The following NOTCH3 variants were observed in gnomAD, a reference collection of about 807,000 sequenced individuals.
NOTCH3 encodes the protein neurogenic locus notch homolog protein 3.
In NOTCH3, 86 loss-of-function variants were observed where a neutral mutation model predicts 213.3. The ratio of observed to expected loss-of-function variants is 0.40; its 90% CI spans 0.34 to 0.48. The LOEUF is 0.48. NOTCH3 is among the 20% of genes least tolerant of loss of function. The pLI is 0.57. For missense variants in NOTCH3, 2,783 were observed against 3,272.6 expected (o/e 0.85, Z 3.65); for synonymous variants, 1,354 against 1,355.9 (o/e 1.00, Z 0.03).
chr19:15,197,514 C>T lies in NOTCH3; in HGVS notation c.183G>A (p.Arg61=), dbSNP rs2145451074. 1 of 1,611,062 alleles carries T rather than the reference C, an allele frequency of 6.2e-7. No individual in the cohort carries two copies. The part of the protein sequence containing the change: ...NGGRCTQLPS[R]EAACLCPPGW... ...CAGGCACTCACAGGCAGGCAGCCTCCCGGGAGGGCAGCTGGGTGCAACGAC... is the reference window on the plus strand; with the variant it reads ...CAGGCACTCACAGGCAGGCAGCCTCTCGGGAGGGCAGCTGGGTGCAACGAC... The change falls in exon 2 of 33, where the codon CGG becomes CGA. Residue 61 remains arginine, a synonymous_variant. Coordinates refer to ENST00000263388, the MANE Select transcript of NOTCH3 (RefSeq NM_000435.3).
At position 15,185,747 on chromosome 19, in the gene NOTCH3, G is replaced by A. The variant is rs1271481232; in HGVS notation, c.1952-68C>T. 1 of 1,512,094 alleles carries A rather than the reference G, an allele frequency of 6.6e-7. No homozygotes were observed. The highest frequency in any genetic ancestry group is 1.1e-5 in the South Asian group (1 of 88,778). 93.7% of individuals were successfully genotyped at this position (1,512,094 alleles called of 1,614,324 possible). Reference sequence around the variant, plus strand: ...AGGGACAACCAGGGAGGGACGACGTGACCCCACTTAGCACACCCACACCCC... The same window carrying A: ...AGGGACAACCAGGGAGGGACGACGTAACCCCACTTAGCACACCCACACCCC... On this transcript the variant is annotated intron_variant, in intron 12 of 32. Coordinates refer to ENST00000263388, the MANE Select transcript of NOTCH3 (RefSeq NM_000435.3). The surrounding 1 kb of genome is among the most constrained non-coding windows in gnomAD (Gnocchi z 4.2).
chr19:15,177,801 G>A lies in NOTCH3; in HGVS notation c.4127C>T (p.Ala1376Val), dbSNP rs1373967857. ...CTCCTCCGAGACCTCGGGTGCCGCG[G>A]CGGGCGCCTCGCAGCGCGGCCCGGT... Reference protein sequence around the residue: ...GWTGPRCEAPAAAPEVSEEPR... With the variant: ...GWTGPRCEAPVAAPEVSEEPR... The change falls in exon 24 of 33, where the codon GCC (alanine) becomes GTC (valine). Residue 1376 changes from alanine (A) to valine (V), a missense_variant. This residue lies in a region of NOTCH3 where 133 missense variants were observed against 201.9 expected (regional missense o/e 0.66). Transcript: ENST00000263388. The A allele has an allele frequency of 7.9e-7, 1 of 1,267,976 alleles. No individual in the cohort carries two copies. Among genetic ancestry groups the A allele is most frequent in the Non-Finnish European group, 9.9e-7 (1 of 1,013,340 alleles). The allele number at this position is 1,267,976 out of a possible 1,614,324, so 78.5% of individuals were successfully genotyped here.
chr19:15,187,091 GC>G lies in NOTCH3; in HGVS notation c.1840+13del. On this transcript the variant is annotated intron_variant, in intron 11 of 32. Transcript: ENST00000263388. ...CTCCAGGTGTGCTGTTTCTGCCCCA[GC>G]CCCCGGTCCCACCTGTGGTCCCAGA... 1 of 1,611,668 alleles carries G rather than the reference GC, an allele frequency of 6.2e-7. No individual in the cohort carries two copies.
intron 31 of NOTCH3, among the ~76,000 whole-genome samples, chr19:15,163,795 C>T (rs1446921214): frequency 2.6e-5 from 4 of 152,104 alleles, no homozygotes; most frequent in Admixed American, 6.5e-5. Flanking sequence ...CATGCCACTG[C>T]ACTCCAGCCT....
At chr19:15,181,881 G>A (rs962018096) in intron 16 of NOTCH3, 80 bp from the exon 17 acceptor site, 2 of 1,245,876 alleles carry the variant, frequency 1.6e-6, no homozygotes, top group African/African-American at 3.0e-5. Flanking sequence ...CTTGGATTGA[G>A]AAGAATTCAG....
rs887358691 is a variant in NOTCH3 at position 15,191,580 on chromosome 19, T to C, written c.880A>G (p.Thr294Ala). ...CACACGCAGCTGTGGCCACCCAGCG[T>C]GTTGAAGCAGGTACCCCCATTGTGG... Reference protein sequence around the residue: ...ACHNGGTCFNTLGGHSCVCVN... With the variant: ...ACHNGGTCFNALGGHSCVCVN... The change falls in exon 6 of 33, where the codon ACG becomes GCG. Residue 294 changes from threonine (T) to alanine (A), a missense_variant. Around this residue, in one of 6 missense-constraint regions of NOTCH3, gnomAD observed 708 missense variants for 906.6 expected, o/e 0.78. Transcript: ENST00000263388. 6 of 1,613,584 alleles carry C rather than the reference T, an allele frequency of 3.7e-6. No homozygotes were observed. The highest frequency in any genetic ancestry group is 1.7e-5 in the Admixed American group (1 of 59,996).
rs1349602672 is a variant in NOTCH3 at position 15,191,819 on chromosome 19, T to C, written c.728A>G (p.His243Arg). ...CEVNVDDCPG[H>R]RCLNGGTCVD... ...GCATGTCCCCCCATTGAGACATCGG[T>C]GTCCTGGACAGTCGTCCACGTTCAC... The change falls in exon 5 of 33, where the codon CAC (histidine) becomes CGC (arginine). Residue 243 changes from histidine to arginine, a missense_variant. Transcript: ENST00000263388. 1 of 1,613,958 alleles carries C rather than the reference T, an allele frequency of 6.2e-7. No homozygotes were observed. Among genetic ancestry groups the C allele is most frequent in the Non-Finnish European group, 8.5e-7 (1 of 1,180,034 alleles).
In NOTCH3 at chr19:15,177,746, G is replaced by C. The variant is rs1445320078; in HGVS notation, c.4182C>G (p.Ala1394=). The stretch of plus-strand genomic sequence containing the variant: ...GGTCGCAGCGCTGGTCCCCGCGCTT[G>C]GCCTGGCAGGCGGCGCGCGGGCACC... ...EPRCPRAACQ[A]KRGDQRCDRE... Residue 1394 remains alanine, a synonymous_variant, in exon 24 of 33, where the codon GCC becomes GCG. Coordinates refer to ENST00000263388, the MANE Select transcript of NOTCH3 (RefSeq NM_000435.3). 4 of 1,428,800 alleles carry C rather than the reference G, an allele frequency of 2.8e-6. No individual in the cohort carries two copies. Among genetic ancestry groups the C allele is most frequent in the African/African-American group, 3.0e-5 (2 of 66,642 alleles). 88.5% of individuals were successfully genotyped at this position (1,428,800 alleles called of 1,614,324 possible).
At chr19:15,174,019 A>G (rs772084004) in intron 25 of NOTCH3, 49 bp downstream of exon 25, 1 of 1,432,612 alleles carries the variant, frequency 7.0e-7, no homozygotes, top group Non-Finnish European at 9.5e-7. Context: ...GATCAACAGC[A>G]TCTCTCCTCT....
chr19:15,192,779 G>A (rs1324417936), intron 2 of NOTCH3, among the ~76,000 whole-genome samples: 1 of 152,158 alleles, frequency 6.6e-6, no homozygotes, highest in Non-Finnish European at 1.5e-5. Context: ...GCTGGGCATA[G>A]TGGTGCGTGC....
Position 15,174,264 on chromosome 19 carries a change from C to T in NOTCH3, c.4540G>A (p.Val1514Met). The T allele has an allele frequency of 6.3e-7, 1 of 1,576,870 alleles. No individual in the cohort carries two copies. The highest frequency in any genetic ancestry group is 8.6e-7 in the Non-Finnish European group (1 of 1,164,390). The change falls in exon 25 of 33, where the codon GTG becomes ATG. Residue 1514 changes from valine (V) to methionine (M), a missense_variant. By Grantham distance (21) the Val-to-Met change is conservative (BLOSUM62 1). Transcript: ENST00000263388. The part of the protein sequence containing the change: ...VPALLARGVL[V>M]LTVLLPPEEL... The stretch of plus-strand genomic sequence containing the variant: ...TCTGGCGGCAGCAGCACTGTGAGCA[C>T]CAGCACGCCGCGGGCCAGCAGGGCC...
Position 15,165,229 on chromosome 19 carries a change from G to A in NOTCH3, c.5815+139C>T. 1 of 893,290 alleles carries A rather than the reference G, an allele frequency of 1.1e-6. No individual in the cohort carries two copies. Among genetic ancestry groups the A allele is most frequent in the Non-Finnish European group, 1.8e-6 (1 of 544,540 alleles). The allele number at this position is 893,290 out of a possible 1,614,324, so 55.3% of individuals were successfully genotyped here. On this transcript the variant is annotated intron_variant, in intron 31 of 32. Transcript: ENST00000263388. The surrounding 1 kb of genome is among the most constrained non-coding windows in gnomAD (Gnocchi z 4.7). ...ACTAGTGGTGACCCTGCATGACCCT[G>A]CAGGCTTCATGAAGCCTGGTTATGT...
At chr19:15,187,830 C>T in intron 10 of NOTCH3, 51 bp downstream of exon 10, 1 of 1,446,230 alleles carries the variant, frequency 6.9e-7, no homozygotes, top group Non-Finnish European at 9.5e-7. Flanking sequence ...GCCCTGTCGC[C>T]CACAAGCCCC....
chr19:15,178,160 T>A, intron 23 of NOTCH3, 70 bp from the exon 24 acceptor site: 1 of 947,650 alleles, frequency 1.1e-6, no homozygotes, highest in Non-Finnish European at 1.6e-6. Context: ...GGAGAAGAAA[T>A]GGAGGAGTGG....
rs754726425 is a variant in NOTCH3, at chr19:15,192,448, C to A, written c.269G>T (p.Arg90Leu). The A allele has an allele frequency of 1.2e-6, 2 of 1,612,608 alleles. No individual in the cohort carries two copies. Among genetic ancestry groups the A allele is most frequent in the Non-Finnish European group, 1.7e-6 (2 of 1,179,916 alleles). The change falls in exon 3 of 33, where the codon CGT (arginine) becomes CTT (leucine). Residue 90 changes from arginine (R) to leucine (L), a missense_variant. By Grantham distance (102) the Arg-to-Leu change is moderately radical (BLOSUM62 -2). Coordinates refer to ENST00000263388, the MANE Select transcript of NOTCH3 (RefSeq NM_000435.3). ...CACCACTGAACTCTGGCAGACACCA[C>A]GGCCAGCACAGGGGCCTGAGTGACA... ...DPCHSGPCAG[R>L]GVCQSSVVAG...
chr19:15,176,746 G>C (rs2046792885), intron 24 of NOTCH3, among the ~76,000 whole-genome samples: 1 of 120,804 alleles, frequency 8.3e-6, no homozygotes, highest in African/African-American at 3.3e-5. Context: ...CTGGGCCACA[G>C]AGCAAGACCC....
At position 15,161,967 on chromosome 19, in the gene NOTCH3, CT is replaced by C. The variant is rs934794716; in HGVS notation, c.5914-254del. Among the ~76,000 whole-genome samples, 1,033 of 138,824 alleles carry C rather than the reference CT, an allele frequency of 7.4e-3. 10 individuals are homozygous for C. Among genetic ancestry groups the C allele is most frequent in the Non-Finnish European group, 0.01 (648 of 64,708 alleles). The allele number at this position is 138,824 out of a possible 152,430, so 91.1% of individuals were successfully genotyped here. On this transcript the variant is annotated intron_variant, in intron 32 of 32. Transcript: ENST00000263388. ...AGCGAGGTACTCACCTTAGGCATAA[CT>C]TTTTTTTTCTTGTCTTTTTTTTTTT...
In NOTCH3 at chr19:15,167,099, C is replaced by G; in HGVS notation, c.5362+150G>C. 3 of 824,896 alleles carry G rather than the reference C, an allele frequency of 3.6e-6. No homozygotes were observed. In the South Asian group the frequency reaches 5.0e-5, roughly 14 times the overall value. 51.1% of individuals were successfully genotyped at this position (824,896 alleles called of 1,614,324 possible). ...AAGCTAGTCTGAGTTGGACCTTTGT[C>G]ACTTCCAACCAAGAGTGTTGCTGAA... On this transcript the variant is annotated intron_variant, in intron 29 of 32. Coordinates refer to ENST00000263388, the MANE Select transcript of NOTCH3 (RefSeq NM_000435.3).
chr19:15,197,441 G>GGGGGGC, intron 2 of NOTCH3, 59 bp downstream of exon 2: 1 of 768,362 alleles, frequency 1.3e-6, no homozygotes, highest in Non-Finnish European at 2.3e-6. Context: ...AAGACAAATC[G>GGGGGGC]CCCCTCCCCC....
Sources: allele counts gnomAD v4.1 joint callset (sites outside exome capture counted in the v4.1 genomes callset), GRCh38; gene constraint gnomAD v4.1.1; regional missense constraint gnomAD v4.1.1; non-coding constraint Gnocchi (gnomAD v3.1); transcripts MANE v1.5; gene names NCBI Gene and HGNC (gene_info 2026-07-23, HGNC 2026-07-21).